The following GPC6 variants were observed in gnomAD, a reference collection of about 807,000 sequenced individuals.
The protein encoded by GPC6 is glypican-6.
GPC6 carries 14 observed loss-of-function variants against 55.2 expected under a neutral mutation model. The observed-to-expected ratio is 0.25, with a 90% CI of 0.17 to 0.40. The LOEUF is 0.40. Among genes scored for constraint, GPC6 ranks in the 10% least tolerant of loss-of-function variants. GPC6 has a pLI of 1.00. For missense variants in GPC6, 641 were observed against 708.5 expected, an observed-to-expected ratio of 0.90 and a Z score of 1.08; for synonymous variants, 278 against 259.6, an observed-to-expected ratio of 1.07 and a Z score of -0.68.
At chr13:93,990,596 C>T (rs1285991908) in intron 3 of GPC6, among the ~76,000 whole-genome samples, 3 of 152,008 alleles carry the variant, frequency 2.0e-5, no homozygotes, top group Non-Finnish European at 4.4e-5. Flanking sequence ...GTGGCTCACA[C>T]CTGTAGCCCC....
At chr13:93,337,927 C>A (rs748875980) in intron 1 of GPC6, among the ~76,000 whole-genome samples, 2 of 152,172 alleles carry the variant, frequency 1.3e-5, no homozygotes, top group Non-Finnish European at 2.9e-5. Context: ...TTGCAGCCCG[C>A]AACCTCAGAT....
At chr13:93,504,629 A>G (rs1216383851) in intron 1 of GPC6, among the ~76,000 whole-genome samples, 1 of 151,938 alleles carries the variant, frequency 6.6e-6, no homozygotes, top group Admixed American at 6.6e-5. Context: ...GAATGAATGC[A>G]TTGGCTCAAA....
At chr13:93,332,007 C>T (rs890584932) in intron 1 of GPC6, among the ~76,000 whole-genome samples, 2 of 151,370 alleles carry the variant, frequency 1.3e-5, no homozygotes, top group African/African-American at 4.9e-5. Flanking sequence ...TGATGTCCTC[C>T]AGATCATCCC....
At chr13:94,369,121 TTCA>T (rs922253646) in intron 6 of GPC6, among the ~76,000 whole-genome samples, 4 of 152,204 alleles carry the variant, frequency 2.6e-5, no homozygotes, top group Admixed American at 6.5e-5. Flanking sequence ...CCTTTAAATA[TTCA>T]TCATATTTTT....
intron 1 of GPC6, among the ~76,000 whole-genome samples, chr13:93,332,387 T>G (rs1332480666): frequency 6.6e-6 from 1 of 152,052 alleles, no homozygotes. Context: ...TTATCTTTTG[T>G]CTTTTTAATA....
At chr13:93,229,300 A>G (rs1875929317) in intron 1 of GPC6, among the ~76,000 whole-genome samples, 1 of 151,370 alleles carries the variant, frequency 6.6e-6, no homozygotes, top group Admixed American at 6.6e-5. Context: ...GGTTTATAGT[A>G]TGGATCACTT....
At chr13:93,503,534 A>G (rs1312778597) in intron 1 of GPC6, among the ~76,000 whole-genome samples, 1 of 152,182 alleles carries the variant, frequency 6.6e-6, no homozygotes, top group East Asian at 1.9e-4. Flanking sequence ...CCTCTAGGTC[A>G]GTGTTTGCTG....
At chr13:94,271,029 G>T (rs868414392) in intron 4 of GPC6, among the ~76,000 whole-genome samples, 4 of 130,790 alleles carry the variant, frequency 3.1e-5, no homozygotes, top group Non-Finnish European at 4.7e-5. Flanking sequence ...TCGCTCTGTC[G>T]CCCAGGCTGG....
At chr13:93,679,278 G>T (rs1160785612) in intron 2 of GPC6, among the ~76,000 whole-genome samples, 1 of 151,992 alleles carries the variant, frequency 6.6e-6, no homozygotes, top group Admixed American at 6.6e-5. Flanking sequence ...GTGGCCTGTG[G>T]ACCAATAATG....
At chr13:93,355,224 A>G (rs1325389774) in intron 1 of GPC6, among the ~76,000 whole-genome samples, 1 of 152,184 alleles carries the variant, frequency 6.6e-6, no homozygotes, top group Non-Finnish European at 1.5e-5. Flanking sequence ...CTCAAGATAA[A>G]AGCATTTTCG....
In GPC6 at chr13:94,320,184, G is replaced by A. The variant is rs941613128; in HGVS notation, c.1152+14061G>A. Among the ~76,000 whole-genome samples, 3 of 152,126 alleles carry A rather than the reference G, an allele frequency of 2.0e-5. No homozygotes were observed. In the South Asian group the frequency reaches 6.2e-4, roughly 31 times the overall value. ...ATTTGGCATTAAACCCAGCCACTTA[G>A]TTTTTAACGTCAATGATTTTATTTT... On this transcript the variant is annotated intron_variant, in intron 6 of 8. Coordinates refer to ENST00000377047, the MANE Select transcript of GPC6 (RefSeq NM_005708.5).
chr13:94,024,102 GACAC>G lies in GPC6; in HGVS notation c.712-3597_712-3594del, dbSNP rs140178004. Reference sequence around the variant, plus strand: ...ATAAAATAGCATAGAACTGTGTATAGACACACACACACACACACACACACACACA... The same window carrying G: ...ATAAAATAGCATAGAACTGTGTATAGACACACACACACACACACACACACA... On this transcript the variant is annotated intron_variant, in intron 3 of 8. Coordinates refer to ENST00000377047, the MANE Select transcript of GPC6 (RefSeq NM_005708.5). Among the ~76,000 whole-genome samples the G allele has an allele frequency of 1.9e-3, 276 of 144,276 alleles. 1 individual carries two copies. Among genetic ancestry groups the G allele is most frequent in the Admixed American group, 4.3e-3 (62 of 14,472 alleles). 94.7% of individuals were successfully genotyped at this position (144,276 alleles called of 152,430 possible).
Position 93,640,742 on chromosome 13 carries a change from CCCCACTTTCCTTCCCTCCCTCCT to C in GPC6, c.319+95325_319+95347del. ...TCCCCACTTTCCTTCCCTCCCTCCT[CCCCACTTTCCTTCCCTCCCTCCT>C]CCCCACTTTCCTTCCCTCCCTCCCT... On this transcript the variant is annotated intron_variant, in intron 2 of 8. Coordinates refer to ENST00000377047, the MANE Select transcript of GPC6 (RefSeq NM_005708.5). Among the ~76,000 whole-genome samples the C allele has an allele frequency of 8.2e-5, 8 of 97,478 alleles. No individual in the cohort carries two copies. The Admixed American group carries it at 9.0e-4, about 11-fold the overall frequency. The allele number at this position is 97,478 out of a possible 152,430, so 63.9% of individuals were successfully genotyped here.
chr13:94,310,392 C>A (rs935748817), intron 6 of GPC6, among the ~76,000 whole-genome samples: 9 of 152,156 alleles, frequency 5.9e-5, no homozygotes, highest in Non-Finnish European at 1.2e-4. Flanking sequence ...TCTCAAATAT[C>A]CTACTGGTCA....
At chr13:94,151,871 A>G in intron 4 of GPC6, among the ~76,000 whole-genome samples, 1 of 152,310 alleles carries the variant, frequency 6.6e-6, no homozygotes, top group Middle Eastern at 3.4e-3. Context: ...AGTCTAGTGG[A>G]AATAAAAATA....
At chr13:94,230,120 A>G (rs974577834) in intron 4 of GPC6, among the ~76,000 whole-genome samples, 1 of 152,282 alleles carries the variant, frequency 6.6e-6, no homozygotes, top group Non-Finnish European at 1.5e-5. Flanking sequence ...TTTTAATGGT[A>G]AAACCATACT....
intron 2 of GPC6, among the ~76,000 whole-genome samples, chr13:93,812,275 G>A (rs1886720547): frequency 6.6e-6 from 1 of 151,934 alleles, no homozygotes; most frequent in Non-Finnish European, 1.5e-5. Flanking sequence ...CATAGTCCCA[G>A]CTACTTGGGA....
At chr13:94,365,787 C>T (rs1256546605) in intron 6 of GPC6, among the ~76,000 whole-genome samples, 1 of 152,132 alleles carries the variant, frequency 6.6e-6, no homozygotes, top group African/African-American at 2.4e-5. Flanking sequence ...TCAGTGACAC[C>T]ACTCTTGGGT....
At chr13:93,765,045 C>T (rs1250164152) in intron 2 of GPC6, among the ~76,000 whole-genome samples, 21 of 152,128 alleles carry the variant, frequency 1.4e-4, no homozygotes, top group Admixed American at 1.4e-3. Context: ...GCGATCCACC[C>T]TCCTCAGCCT....
Sources: allele counts gnomAD v4.1 joint callset (sites outside exome capture counted in the v4.1 genomes callset), GRCh38; gene constraint gnomAD v4.1.1; transcripts MANE v1.5; gene names NCBI Gene and HGNC (gene_info 2026-07-23, HGNC 2026-07-21).